SENP5: variants seen among roughly 807,000 people sequenced by gnomAD.
The protein encoded by SENP5 is SUMO specific peptidase 5, also known as sentrin-specific protease 5.
SENP5 carries 21 observed loss-of-function variants against 74.2 expected under a neutral mutation model. The ratio of observed to expected loss-of-function variants is 0.28; its 90% CI spans 0.20 to 0.41. SENP5 has a LOEUF of 0.41. Ranked by LOEUF, SENP5 falls within the 10% of genes least tolerant of loss-of-function variation. SENP5 has a pLI of 1.00. For synonymous variants in SENP5, 311 were observed against 312.7 expected, an observed-to-expected ratio of 0.99 and a Z score of 0.06; for missense variants, 717 against 889.1, an observed-to-expected ratio of 0.81 and a Z score of 2.46.
chr3:196,890,400 G>A (rs757079477), intron 2 of SENP5, among the ~76,000 whole-genome samples: 4 of 152,158 alleles, frequency 2.6e-5, no homozygotes, highest in Non-Finnish European at 5.9e-5. Flanking sequence ...TGATTTACAT[G>A]TTTAAGAGTC....
At chr3:196,871,968 G>A (rs1713236577) in intron 1 of SENP5, among the ~76,000 whole-genome samples, 1 of 152,096 alleles carries the variant, frequency 6.6e-6, no homozygotes, top group Admixed American at 6.5e-5. Context: ...TTGGAAGCTG[G>A]AATGCAGATT....
At position 196,886,244 on chromosome 3, in the gene SENP5, G is replaced by A. The variant is rs531637804; in HGVS notation, c.1063G>A (p.Ala355Thr). 1.2e-5 allele frequency: 19 copies of A among 1,614,140 alleles called. No individual in the cohort carries two copies. The East Asian group carries it at 3.6e-4, about 30-fold the overall frequency. ...PDQQNGSATN[A>T]WDQSSCSSPK... ...CCAACAGAATGGCAGTGCCACAAACGCCTGGGACCAGTCATCCTGTTCTTC... is the reference window on the plus strand; with the variant it reads ...CCAACAGAATGGCAGTGCCACAAACACCTGGGACCAGTCATCCTGTTCTTC... The change falls in exon 2 of 10, where the codon GCC becomes ACC. Residue 355 changes from alanine (A) to threonine (T), a missense_variant. Physicochemically the swap from Ala to Thr is moderately conservative, Grantham distance 58. This residue lies in a region of SENP5 where 567 missense variants were observed against 577.4 expected (regional missense o/e 0.98). Transcript: ENST00000323460.
intron 2 of SENP5, among the ~76,000 whole-genome samples, chr3:196,889,809 G>T (rs1714129348): frequency 6.6e-6 from 1 of 152,248 alleles, no homozygotes; most frequent in Admixed American, 6.5e-5. Flanking sequence ...GCAGAAGGAA[G>T]ATTAGTACAG....
At position 196,886,236 on chromosome 3, in the gene SENP5, C is replaced by G; in HGVS notation, c.1055C>G (p.Ala352Gly). 1 of 1,614,078 alleles carries G rather than the reference C, an allele frequency of 6.2e-7. No individual in the cohort carries two copies. Among genetic ancestry groups the G allele is most frequent in the Non-Finnish European group, 8.5e-7 (1 of 1,179,974 alleles). The part of the protein sequence containing the change: ...EAFPDQQNGS[A>G]TNAWDQSSCS... ...TTCCCTGACCAACAGAATGGCAGTG[C>G]CACAAACGCCTGGGACCAGTCATCC... Residue 352 changes from alanine (A) to glycine (G), a missense_variant, in exon 2 of 10, where the codon GCC becomes GGC. Physicochemically the swap from Ala to Gly is moderately conservative, Grantham distance 60. Transcript: ENST00000323460.
At chr3:196,908,212 C>T (rs1479950943) in intron 6 of SENP5, among the ~76,000 whole-genome samples, 3 of 151,926 alleles carry the variant, frequency 2.0e-5, no homozygotes, top group Admixed American at 6.6e-5. Context: ...CCTGGGAGGT[C>T]GAGGCTGCAG....
chr3:196,903,594 A>G lies in SENP5; in HGVS notation c.1868A>G (p.Lys623Arg). 1.3e-6 allele frequency: 2 copies of G among 1,596,018 alleles called. No homozygotes were observed. The highest frequency in any genetic ancestry group is 8.5e-7 in the Non-Finnish European group (1 of 1,171,850). Reference sequence around the variant, plus strand: ...GTAACCAAAGGATATAATGGAGTAAAAAGATGGACTAAAAAGGTATTCTCT... The same window carrying G: ...GTAACCAAAGGATATAATGGAGTAAGAAGATGGACTAAAAAGGTATTCTCT... ...QLVTKGYNGV[K>R]RWTKKVDLFK... Residue 623 changes from lysine (K) to arginine (R), a missense_variant, in exon 6 of 10, where the codon AAA becomes AGA. Lys to Arg is a conservative substitution (Grantham distance 26, BLOSUM62 2). This residue lies in a region of SENP5 where 85 missense variants were observed against 188.9 expected (regional missense o/e 0.45). Transcript: ENST00000323460.
At position 196,886,273 on chromosome 3, in the gene SENP5, T is replaced by A; in HGVS notation, c.1092T>A (p.Pro364=). Residue 364 remains proline (P), a synonymous_variant, in exon 2 of 10, where the codon CCT becomes CCA. Coordinates refer to ENST00000323460, the MANE Select transcript of SENP5 (RefSeq NM_152699.5). ...NAWDQSSCSS[P]KWECTELIHD... is the part of the protein sequence containing the mutation. ...GGGACCAGTCATCCTGTTCTTCTCCTAAGTGGGAGTGTACAGAGCTGATTC... is the reference window on the plus strand; with the variant it reads ...GGGACCAGTCATCCTGTTCTTCTCCAAAGTGGGAGTGTACAGAGCTGATTC... The A allele has an allele frequency of 1.9e-6, 3 of 1,614,146 alleles. No homozygotes were observed. Among genetic ancestry groups the A allele is most frequent in the East Asian group, 2.2e-5 (1 of 44,890 alleles).
chr3:196,920,015 G>A (rs1715545036), intron 6 of SENP5, among the ~76,000 whole-genome samples: 1 of 152,112 alleles, frequency 6.6e-6, no homozygotes, highest in Non-Finnish European at 1.5e-5. Flanking sequence ...GAGTCTGGCA[G>A]CTTTATCCTT....
chr3:196,871,855 C>CAAAAAAAAA (rs10714946), intron 1 of SENP5, among the ~76,000 whole-genome samples: 1 of 105,840 alleles, frequency 9.4e-6, no homozygotes, highest in Non-Finnish European at 2.0e-5. Flanking sequence ...ACTCCATCTC[C>CAAAAAAAAA]AAAAAAAAAA....
At chr3:196,904,880 A>G (rs1714840895) in intron 6 of SENP5, 1 of 152,152 alleles carries the variant, frequency 6.6e-6, no homozygotes, top group African/African-American at 2.4e-5. Flanking sequence ...TAAATGATAG[A>G]TAGGATTGTC....
At chr3:196,914,586 A>AATATATATATATATATATAT (rs55692471) in intron 6 of SENP5, 6 of 33,498 alleles carry the variant, frequency 1.8e-4, no homozygotes, top group African/African-American at 3.6e-4. Flanking sequence ...AAAAAAAAAA[A>AATATATATATATATATATAT]ATATATATAT....
chr3:196,893,153 C>T (rs1714284564), intron 2 of SENP5, among the ~76,000 whole-genome samples: 1 of 152,198 alleles, frequency 6.6e-6, no homozygotes, highest in Admixed American at 6.5e-5. Flanking sequence ...ACATTCCCAC[C>T]AACAGTGTAC....
Position 196,885,863 on chromosome 3 carries a change from TCTC to T in SENP5, c.686_688del (p.Pro229del), listed in dbSNP as rs1414363437. On this transcript the variant is annotated inframe_deletion, in exon 2 of 10. Coordinates refer to ENST00000323460, the MANE Select transcript of SENP5 (RefSeq NM_152699.5). Reference sequence around the variant, plus strand: ...TAACCAACATAGAAGGATAAAATTATCTCCTCTTATGATGTATGAGAAATTATC... The same window carrying T: ...TAACCAACATAGAAGGATAAAATTATCTCTTATGATGTATGAGAAATTATC... 6.2e-7 allele frequency: 1 copy of T among 1,613,890 alleles called. No homozygotes were observed.
intron 1 of SENP5, among the ~76,000 whole-genome samples, chr3:196,876,532 AAAG>A (rs1366139433): frequency 6.6e-5 from 10 of 151,076 alleles, no homozygotes; most frequent in Non-Finnish European, 1.5e-4. Context: ...AAAAAAAAAA[AAAG>A]AAAAGAAAAA....
At chr3:196,912,169 A>T (rs143653613) in intron 6 of SENP5, among the ~76,000 whole-genome samples, 468 of 152,308 alleles carry the variant, frequency 3.1e-3, no homozygotes, top group African/African-American at 9.4e-3. Flanking sequence ...CATGGAACCA[A>T]CCCAAATGCC....
chr3:196,878,801 A>T (rs187885273), intron 1 of SENP5, among the ~76,000 whole-genome samples: 2 of 152,226 alleles, frequency 1.3e-5, no homozygotes, highest in East Asian at 3.9e-4. Context: ...CACGTTGGCC[A>T]GGCTGGTCTC....
chr3:196,909,763 A>G (rs1023683029), intron 6 of SENP5, among the ~76,000 whole-genome samples: 1 of 152,220 alleles, frequency 6.6e-6, no homozygotes, highest in African/African-American at 2.4e-5. Context: ...ACATATCTCA[A>G]TAATAAGAGC....
intron 6 of SENP5, among the ~76,000 whole-genome samples, chr3:196,919,866 G>C (rs1715539068): frequency 6.6e-6 from 1 of 150,918 alleles, no homozygotes; most frequent in African/African-American, 2.4e-5. Context: ...CATTGCTTTG[G>C]CACCATTATA....
intron 1 of SENP5, among the ~76,000 whole-genome samples, chr3:196,871,898 G>A (rs1355982497): frequency 2.6e-5 from 4 of 152,016 alleles, no homozygotes; most frequent in African/African-American, 7.2e-5. Context: ...AGACCTTAAG[G>A]GTTTTTATTT....
Sources: gnomAD v4.1 joint callset for allele counts (sites outside exome capture counted in the v4.1 genomes callset) on GRCh38, gnomAD v4.1.1 for gene constraint, gnomAD v4.1.1 regional missense constraint, MANE v1.5 for transcripts, NCBI Gene and HGNC (gene_info 2026-07-23, HGNC 2026-07-21) for gene names.